The following CYGB variants were observed in gnomAD, a reference collection of about 807,000 sequenced individuals.
CYGB encodes histoglobin.
In CYGB, 13 loss-of-function variants were observed where a neutral mutation model predicts 20.7. That is an observed-to-expected ratio of 0.63 (90% CI 0.41 to 1.00). The LOEUF (loss-of-function observed/expected upper bound fraction) is 1.00, where lower values mean the gene tolerates loss of function less well. Ranked by LOEUF, CYGB falls within the 50% of genes least tolerant of loss-of-function variation. The pLI is 0.00. For missense variants in CYGB, 218 were observed against 257.2 expected, an observed-to-expected ratio of 0.85 and a Z score of 1.04; for synonymous variants, 93 against 107.4, an observed-to-expected ratio of 0.87 and a Z score of 0.83.
Position 76,528,848 on chromosome 17 carries a change from G to T in CYGB, c.540-237C>A. ...AGCTCCGGATCTTTTTCTCTAAAAT[G>T]TGAATAATGTCTGTCTTGTGACATA... On this transcript the variant is annotated intron_variant, in intron 3 of 3. Coordinates refer to ENST00000293230, the MANE Select transcript of CYGB (RefSeq NM_134268.5). The surrounding 1 kb of genome is among the most constrained non-coding windows in gnomAD (Gnocchi z 5.8). 8.2e-7 allele frequency: 1 copy of T among 1,213,448 alleles called. No individual in the cohort carries two copies. The highest frequency in any genetic ancestry group is 1.0e-6 in the Non-Finnish European group (1 of 971,998). 75.2% of individuals were successfully genotyped at this position (1,213,448 alleles called of 1,614,324 possible).
chr17:76,540,066 C>G (rs1008952622), upstream of CYGB: 66 of 1,475,382 alleles, frequency 4.5e-5, no homozygotes, highest in Non-Finnish European at 5.4e-5. This position sits in a 1 kb window ranked among gnomAD's most constrained non-coding sequence, Gnocchi z 5.0. Flanking sequence ...CTCCTGAGAG[C>G]TGGCTGGGGC....
chr17:76,544,124 C>T (rs759089778), intron 1 of CYGB: 7 of 454,498 alleles, frequency 1.5e-5, no homozygotes, highest in Non-Finnish European at 3.1e-5. Flanking sequence ...TCCGCTTCTG[C>T]TCCCAGATCC....
At chr17:76,538,930 A>G (rs2143132990), upstream of CYGB, among the ~76,000 whole-genome samples, 1 of 152,314 alleles carries the variant, frequency 6.6e-6, no homozygotes, top group Non-Finnish European at 1.5e-5. Flanking sequence ...TGGTTCATGT[A>G]TTTATTCTTA....
upstream of CYGB, chr17:76,540,254 G>GT (rs575918636): frequency 1.7e-3 from 1,535 of 887,920 alleles, 28 homozygotes; most frequent in South Asian, 0.024. The surrounding 1 kb of genome is among the most constrained non-coding windows in gnomAD (Gnocchi z 5.0). Flanking sequence ...GGTTGGTCGG[G>GT]GGGGGGGGGC....
upstream of CYGB, chr17:76,540,250 T>TGGGGGGGGGGGGGGGGGGGGGGGG: frequency 6.5e-6 from 3 of 463,676 alleles, no homozygotes; most frequent in Non-Finnish European, 7.2e-6. The surrounding 1 kb of genome is among the most constrained non-coding windows in gnomAD (Gnocchi z 5.0). Context: ...TGGCGGTTGG[T>TGGGGGGGGGGGGGGGGGGGGGGGG]CGGGGGGGGG....
chr17:76,544,009 A>G (rs1248422443), intron 1 of CYGB: 1 of 456,962 alleles, frequency 2.2e-6, no homozygotes, highest in Non-Finnish European at 4.4e-6. Flanking sequence ...GTTTTTATCA[A>G]TTTGCTGATG....
upstream of CYGB, chr17:76,538,416 C>CT (rs1161377038): frequency 2.3e-6 from 1 of 439,168 alleles, no homozygotes; most frequent in Non-Finnish European, 4.7e-6. Flanking sequence ...CCTGCGCCCC[C>CT]TCTCCTTCCG....
At chr17:76,543,882 C>T (rs547391139) in intron 1 of CYGB, 1 of 471,076 alleles carries the variant, frequency 2.1e-6, no homozygotes, top group East Asian at 6.9e-5. Context: ...GACATGTCTG[C>T]CTGCAGCTGG....
At position 76,547,811 on chromosome 17, in the gene CYGB, C is replaced by T. The variant is rs111210925; in HGVS notation, c.-53+3051G>A. ...AGACATACACACATTCACAGAGACA[C>T]ACATTCACACACACACACACAACAC... On this transcript the variant is annotated intron_variant, in intron 1 of 3. Coordinates refer to the CYGB transcript ENST00000589145. 3.0e-4 allele frequency among the ~76,000 whole-genome samples: 44 copies of T among 148,994 alleles called. 2 individuals carry two copies. The highest frequency in any genetic ancestry group is 1.1e-3 in the African/African-American group (42 of 39,222).
upstream of CYGB, chr17:76,540,253 G>GGT: frequency 9.5e-7 from 1 of 1,048,424 alleles, no homozygotes; most frequent in South Asian, 1.4e-5. The surrounding 1 kb of genome is among the most constrained non-coding windows in gnomAD (Gnocchi z 5.0). Flanking sequence ...CGGTTGGTCG[G>GGT]GGGGGGGGGG....
chr17:76,548,840 A>G (rs1295768429), intron 1 of CYGB, among the ~76,000 whole-genome samples: 1 of 152,236 alleles, frequency 6.6e-6, no homozygotes. Flanking sequence ...AGCAGCAGAC[A>G]CTTGACAACA....
upstream of CYGB, among the ~76,000 whole-genome samples, chr17:76,541,919 G>A (rs1486946093): frequency 6.6e-6 from 1 of 152,224 alleles, no homozygotes; most frequent in Admixed American, 6.5e-5. Context: ...GGTGCAGAGT[G>A]ATTGCTCCAT....
intron 1 of CYGB, among the ~76,000 whole-genome samples, chr17:76,549,017 C>T (rs1018047448): frequency 6.6e-6 from 1 of 152,178 alleles, no homozygotes; most frequent in Non-Finnish European, 1.5e-5. Flanking sequence ...TAAGGATATA[C>T]ACACAGATCA....
upstream of CYGB, chr17:76,540,171 C>T: frequency 6.2e-7 from 1 of 1,607,752 alleles, no homozygotes; most frequent in Non-Finnish European, 8.5e-7. The surrounding 1 kb of genome is among the most constrained non-coding windows in gnomAD (Gnocchi z 5.0). Flanking sequence ...TGCTCAGCAC[C>T]CTGGCCATGC....
At chr17:76,539,068 C>G (rs138217227), upstream of CYGB, among the ~76,000 whole-genome samples, 11 of 152,226 alleles carry the variant, frequency 7.2e-5, no homozygotes, top group African/African-American at 2.7e-4. Flanking sequence ...GCCTCTGACA[C>G]TGTCTCCCCC....
chr17:76,542,661 G>A (rs2143161790), upstream of CYGB: 1 of 1,471,748 alleles, frequency 6.8e-7, no homozygotes, highest in South Asian at 1.1e-5. Flanking sequence ...GCCGGGGAGG[G>A]CAGAGGGCAA....
chr17:76,535,406 G>A (rs2074903650), intron 1 of CYGB, among the ~76,000 whole-genome samples: 1 of 152,184 alleles, frequency 6.6e-6, no homozygotes, highest in South Asian at 2.1e-4. Flanking sequence ...ACCTTCAGGA[G>A]CCCTTATCCC....
At chr17:76,544,615 G>A (rs772450789) in intron 1 of CYGB, 9 of 456,774 alleles carry the variant, frequency 2.0e-5, no homozygotes, top group Middle Eastern at 3.3e-4. Context: ...GCCCGTGATC[G>A]CCTGTCTCAG....
intron 1 of CYGB, chr17:76,543,903 C>T (rs965468615): frequency 4.2e-5 from 20 of 470,830 alleles, no homozygotes; most frequent in Admixed American, 2.3e-4. Context: ...ATGGGAGCAA[C>T]GGACAGCTTG....
Sources: allele counts gnomAD v4.1 joint callset (sites outside exome capture counted in the v4.1 genomes callset), GRCh38; gene constraint gnomAD v4.1.1; non-coding constraint Gnocchi (gnomAD v3.1); transcripts MANE v1.5; gene names NCBI Gene and HGNC (gene_info 2026-07-23, HGNC 2026-07-21).